The following PALM3 variants were observed in gnomAD, a reference collection of about 807,000 sequenced individuals.
The protein encoded by PALM3 is paralemmin-3.
A neutral mutation model predicts 27.9 loss-of-function variants in PALM3; 20 were observed. The observed-to-expected ratio is 0.72, with a 90% CI of 0.50 to 1.04. PALM3 has a LOEUF of 1.04. Among genes scored for constraint, PALM3 ranks in the 50% least tolerant of loss-of-function variants. PALM3 has a pLI of 0.00. For missense variants in PALM3, 814 were observed against 869.4 expected, an observed-to-expected ratio of 0.94 and a Z score of 0.80; for synonymous variants, 328 against 352.7, an observed-to-expected ratio of 0.93 and a Z score of 0.79.
intron 1 of PALM3, among the ~76,000 whole-genome samples, chr19:14,060,720 C>T (rs547613468): frequency 6.6e-5 from 10 of 152,254 alleles, no homozygotes; most frequent in Admixed American, 3.3e-4. Flanking sequence ...AAGAGAGCAG[C>T]CTGGAGACCC....
Position 14,053,970 on chromosome 19 carries a change from C to G in PALM3, c.1702G>C (p.Glu568Gln). Residue 568 changes from glutamate (E) to glutamine (Q), a missense_variant, in exon 7 of 7, where the codon GAG (glutamate) becomes CAG (glutamine). Glu to Gln is a conservative substitution (Grantham distance 29). Transcript: ENST00000669674. ...GSREGSESQA[E>Q]EMNEAGPPLE... is the part of the protein sequence containing the mutation. Reference sequence around the variant, plus strand: ...GGAGGCCCTGCCTCATTCATCTCCTCTGCCTGGGATTCACTTCCTTCCCTA... The same window carrying G: ...GGAGGCCCTGCCTCATTCATCTCCTGTGCCTGGGATTCACTTCCTTCCCTA... 6.4e-7 allele frequency: 1 copy of G among 1,551,714 alleles called. No homozygotes were observed. The highest frequency in any genetic ancestry group is 1.2e-5 in the South Asian group (1 of 84,064).
rs1324536157 is a variant in PALM3, at chr19:14,055,239, G to C, written c.446-13C>G. ...AGATCAGTCTGGCCTGGGGGAGTCA[G>C]AGGTGGAGGGGAGAGGACAAAAGGG... On this transcript the variant is annotated splice_polypyrimidine_tract_variant and intron_variant, in intron 6 of 6. Coordinates refer to ENST00000669674, the MANE Select transcript of PALM3 (RefSeq NM_001145028.2). The C allele has an allele frequency of 6.6e-7, 1 of 1,521,146 alleles. No individual in the cohort carries two copies. Among genetic ancestry groups the C allele is most frequent in the Non-Finnish European group, 8.8e-7 (1 of 1,131,148 alleles). The allele number at this position is 1,521,146 out of a possible 1,614,324, so 94.2% of individuals were successfully genotyped here. A position where few individuals can be genotyped will look rare whatever the true frequency, so the allele number is the denominator to read the frequency against.
intron 5 of PALM3, 54 bp from the exon 6 acceptor site, chr19:14,055,479 T>C: frequency 6.5e-7 from 1 of 1,539,072 alleles, no homozygotes; most frequent in Non-Finnish European, 8.8e-7. Flanking sequence ...ACCTCCAGCC[T>C]CCCTGCATGC....
Position 14,054,076 on chromosome 19 carries a change from T to G in PALM3, c.1596A>C (p.Ala532=). 1.3e-6 allele frequency: 2 copies of G among 1,551,720 alleles called. No individual in the cohort carries two copies. Among genetic ancestry groups the G allele is most frequent in the South Asian group, 2.4e-5 (2 of 84,056 alleles). The change falls in exon 7 of 7, where the codon GCA becomes GCC. Residue 532 remains alanine, a synonymous_variant. Transcript: ENST00000669674. ...ATGATTCCTCACCTCCCCTTTTCTC[T>G]GCCTCCAGTGTCTCCTCCCCTCCCT... ...ERKGGEETLE[A]EKRGGEESLE...
In PALM3 at chr19:14,054,048, C is replaced by T; in HGVS notation, c.1624G>A (p.Glu542Lys). Reference sequence around the variant, plus strand: ...TCCGTCCCTTGGGTCTTCTCTGTCTCCAATGATTCCTCACCTCCCCTTTTC... The same window carrying T: ...TCCGTCCCTTGGGTCTTCTCTGTCTTCAATGATTCCTCACCTCCCCTTTTC... ...AEKRGGEESL[E>K]TEKTQGTEGD... The change falls in exon 7 of 7, where the codon GAG becomes AAG. Residue 542 changes from glutamate (E) to lysine (K), a missense_variant. Glu to Lys is a moderately conservative substitution (Grantham distance 56, BLOSUM62 1). Transcript: ENST00000669674. 3 of 1,551,794 alleles carry T rather than the reference C, an allele frequency of 1.9e-6. No homozygotes were observed. The highest frequency in any genetic ancestry group is 1.7e-6 in the Non-Finnish European group (2 of 1,146,990).
At chr19:14,057,583 C>G in intron 2 of PALM3, 152 bp from the exon 3 acceptor site, 2 of 428,872 alleles carry the variant, frequency 4.7e-6, no homozygotes, top group Non-Finnish European at 7.6e-6. Flanking sequence ...CAGCGCGGGT[C>G]TGCACCCAGG....
At position 14,059,123 on chromosome 19, in the gene PALM3, C is replaced by T; in HGVS notation, c.82G>A (p.Val28Ile). The change falls in exon 2 of 7, where the codon GTC (valine) becomes ATC (isoleucine). Residue 28 changes from valine to isoleucine, a missense_variant. Coordinates refer to ENST00000669674, the MANE Select transcript of PALM3 (RefSeq NM_001145028.2). ...ESSLYRQRLE[V>I]IAEKRRLQEE... ...GGGAGGGCGTCACTTACAGCGATGA[C>T]TTCTAGCCGCTGCCGGTAGAGGGAG... The T allele has an allele frequency of 7.0e-7, 1 of 1,438,366 alleles. No homozygotes were observed. Among genetic ancestry groups the T allele is most frequent in the Non-Finnish European group, 9.1e-7 (1 of 1,096,264 alleles). The allele number at this position is 1,438,366 out of a possible 1,614,324, so 89.1% of individuals were successfully genotyped here.
rs115377222 is a variant in PALM3 at position 14,059,035 on chromosome 19, C to T, written c.90+80G>A. ...CGGGGCTGGAGCTGAGGGCGCTCTCCGCAGAGATGACGGAGAGACGAGAAG... is the reference window on the plus strand; with the variant it reads ...CGGGGCTGGAGCTGAGGGCGCTCTCTGCAGAGATGACGGAGAGACGAGAAG... On this transcript the variant is annotated intron_variant, in intron 2 of 6. Transcript: ENST00000669674. 1.3e-3 allele frequency: 1,715 copies of T among 1,348,600 alleles called. 21 individuals are homozygous for T. In the African/African-American group the frequency reaches 0.025, roughly 19 times the overall value. The allele number at this position is 1,348,600 out of a possible 1,614,324, so 83.5% of individuals were successfully genotyped here.
chr19:14,053,946 G>A lies in PALM3; in HGVS notation c.1726C>T (p.Pro576Ser). 1 of 1,551,626 alleles carries A rather than the reference G, an allele frequency of 6.4e-7. No homozygotes were observed. Among genetic ancestry groups the A allele is most frequent in the Non-Finnish European group, 8.7e-7 (1 of 1,146,922 alleles). Residue 576 changes from proline (P) to serine (S), a missense_variant, in exon 7 of 7, where the codon CCC (proline) becomes TCC (serine). Transcript: ENST00000669674. ...QAEEMNEAGP[P>S]LEANTETRPE... Reference sequence around the variant, plus strand: ...CTTGTCTCCGTGTTAGCCTCAAGGGGAGGCCCTGCCTCATTCATCTCCTCT... The same window carrying A: ...CTTGTCTCCGTGTTAGCCTCAAGGGAAGGCCCTGCCTCATTCATCTCCTCT...
At chr19:14,059,304 C>T in intron 1 of PALM3, 141 bp from the exon 2 acceptor site, 4 of 799,188 alleles carry the variant, frequency 5.0e-6, no homozygotes, top group Non-Finnish European at 5.5e-6. Context: ...AGAGTCTGGG[C>T]GGGGGGCGAG....
chr19:14,055,265 A>AAGAC, intron 6 of PALM3, 39 bp from the exon 7 acceptor site: 4 of 1,520,548 alleles, frequency 2.6e-6, no homozygotes, highest in Middle Eastern at 1.7e-4. Context: ...GACAAAAGGG[A>AAGAC]AGACAGGGTT....
intron 6 of PALM3, 51 bp downstream of exon 6, chr19:14,055,329 C>A: frequency 6.5e-7 from 1 of 1,547,252 alleles, no homozygotes; most frequent in Non-Finnish European, 8.7e-7. Flanking sequence ...CCCTCTCACA[C>A]CCAGGCTCTG....
At chr19:14,057,588 C>T (rs1976331250) in intron 2 of PALM3, 157 bp from the exon 3 acceptor site, 1 of 430,596 alleles carries the variant, frequency 2.3e-6, no homozygotes, top group Admixed American at 4.8e-5. Flanking sequence ...CGGGTCTGCA[C>T]CCAGGGCGGG....
rs199628896 is a variant in PALM3 at position 14,055,011 on chromosome 19, C to T, written c.661G>A (p.Glu221Lys). 20,546 of 1,548,810 alleles carry T rather than the reference C, an allele frequency of 0.013. 213 individuals are homozygous for T. Among genetic ancestry groups the T allele is most frequent in the South Asian group, 0.023 (1,901 of 83,666 alleles). ...CCTTTGGCCTCACCCACCCGCCCTT[C>T]GGATGGCACTGCCCTCTGACTTAGC... is the stretch of plus-strand genomic sequence containing the variant. Reference protein sequence around the residue: ...QGLSQRAVPSEGRVGEAKGGG... With the variant: ...QGLSQRAVPSKGRVGEAKGGG... The change falls in exon 7 of 7, where the codon GAA becomes AAA. Residue 221 changes from glutamate (E) to lysine (K), a missense_variant. Physicochemically the swap from Glu to Lys is moderately conservative, Grantham distance 56. Coordinates refer to ENST00000669674, the MANE Select transcript of PALM3 (RefSeq NM_001145028.2).
At chr19:14,055,854 G>T (rs556411719) in intron 5 of PALM3, among the ~76,000 whole-genome samples, 1 of 152,056 alleles carries the variant, frequency 6.6e-6, no homozygotes, top group Non-Finnish European at 1.5e-5. Context: ...GGTTTCAAAC[G>T]ATTTCCCTGT....
At position 14,056,513 on chromosome 19, in the gene PALM3, T is replaced by C. The variant is rs1036782465; in HGVS notation, c.315A>G (p.Thr105=). The change falls in exon 5 of 7, where the codon ACA becomes ACG. Residue 105 remains threonine (T), a splice_region_variant and synonymous_variant. Transcript: ENST00000669674. ...RIRNLEDSLF[T]LQSQLQLLQS... is the part of the protein sequence containing the mutation. The stretch of plus-strand genomic sequence containing the variant: ...GCAACAGTTGCAGCTGGGACTGGAG[T>C]CTGAAGAAGAGAGAGGGCTGCTAGG... 3.2e-6 allele frequency: 5 copies of C among 1,550,910 alleles called. No homozygotes were observed. Among genetic ancestry groups the C allele is most frequent in the Non-Finnish European group, 4.4e-6 (5 of 1,146,680 alleles).
chr19:14,056,646 G>A lies in PALM3; in HGVS notation c.314+16C>T. On this transcript the variant is annotated intron_variant, in intron 4 of 6. Coordinates refer to ENST00000669674, the MANE Select transcript of PALM3 (RefSeq NM_001145028.2). ...CTGGGGCAGGGTTCGGGCAGAGCTA[G>A]AAGGTCTCCACTCACGTGAACAAAC... The A allele has an allele frequency of 6.4e-7, 1 of 1,551,772 alleles. No individual in the cohort carries two copies. The highest frequency in any genetic ancestry group is 8.7e-7 in the Non-Finnish European group (1 of 1,146,992).
chr19:14,060,554 T>C (rs1166354360), intron 1 of PALM3, among the ~76,000 whole-genome samples: 1 of 152,146 alleles, frequency 6.6e-6, no homozygotes, highest in Non-Finnish European at 1.5e-5. Context: ...ATGTGTCCAT[T>C]TTATGGATGG....
chr19:14,055,737 A>C (rs559145289), intron 5 of PALM3, among the ~76,000 whole-genome samples: 40 of 152,218 alleles, frequency 2.6e-4, no homozygotes, highest in African/African-American at 8.4e-4. Context: ...CTTACATTCC[A>C]ATCAACATAA....
Sources: gnomAD v4.1 joint callset for allele counts (sites outside exome capture counted in the v4.1 genomes callset) on GRCh38, gnomAD v4.1.1 for gene constraint, MANE v1.5 for transcripts, NCBI Gene and HGNC (gene_info 2026-07-23, HGNC 2026-07-21) for gene names.